Variants in AGBL4 observed in about 807,000 individuals in gnomAD.
The protein encoded by AGBL4 is AGBL carboxypeptidase 4.
In AGBL4, 58 loss-of-function variants were observed where a neutral mutation model predicts 66.4. The observed-to-expected ratio is 0.87, with a 90% confidence interval of 0.71 to 1.09. The LOEUF (loss-of-function observed/expected upper bound fraction) is 1.09, where lower values mean the gene tolerates loss of function less well. Among genes scored for constraint, AGBL4 ranks in the 50% least tolerant of loss-of-function variants. The probability of loss-of-function intolerance (pLI) is 0.00; values close to 1 mark genes in which losing one functional copy is unlikely to be tolerated. For missense variants in AGBL4, 579 were observed against 631.0 expected (o/e 0.92, Z 0.88); for synonymous variants, 234 against 222.9 (o/e 1.05, Z -0.44).
intron 1 of AGBL4, among the ~76,000 whole-genome samples, chr1:50,020,664 A>G (rs1045600251): frequency 6.6e-6 from 1 of 152,204 alleles, no homozygotes; most frequent in African/African-American, 2.4e-5. Context: ...TAAATTGTCA[A>G]AAAAACTAAT....
chr1:49,159,613 G>T (rs1332634789), intron 4 of AGBL4, among the ~76,000 whole-genome samples: 1 of 152,140 alleles, frequency 6.6e-6, no homozygotes, highest in Admixed American at 6.5e-5. Context: ...GGCCTGTCTT[G>T]CTAGGTTGGG....
intron 1 of AGBL4, among the ~76,000 whole-genome samples, chr1:49,856,569 C>G (rs1358079249): frequency 3.9e-5 from 6 of 151,916 alleles, no homozygotes; most frequent in Non-Finnish European, 5.9e-5. Context: ...AAGGACGGTT[C>G]AACATACAAA....
At chr1:49,483,303 A>G in intron 3 of AGBL4, among the ~76,000 whole-genome samples, 1 of 152,092 alleles carries the variant, frequency 6.6e-6, no homozygotes. Flanking sequence ...AAAAACTATA[A>G]AACATTTATG....
chr1:49,921,396 A>G (rs1182985431), intron 1 of AGBL4, among the ~76,000 whole-genome samples: 2 of 152,218 alleles, frequency 1.3e-5, no homozygotes, highest in African/African-American at 4.8e-5. Context: ...ATAATTTTAA[A>G]TTTTAACCAT....
chr1:49,432,780 T>A (rs1470861237), intron 3 of AGBL4, among the ~76,000 whole-genome samples: 2 of 152,176 alleles, frequency 1.3e-5, no homozygotes, highest in Non-Finnish European at 2.9e-5. Context: ...ATCCTTGTAA[T>A]CTCAAAAGTT....
chr1:48,713,968 T>C (rs1647007123), intron 6 of AGBL4, among the ~76,000 whole-genome samples: 1 of 152,204 alleles, frequency 6.6e-6, no homozygotes, highest in Non-Finnish European at 1.5e-5. Flanking sequence ...CAAATGCCCC[T>C]ACCCAAGGCT....
intron 6 of AGBL4, among the ~76,000 whole-genome samples, chr1:48,667,983 AT>A (rs1246358069): frequency 1.3e-5 from 2 of 150,102 alleles, no homozygotes; most frequent in Non-Finnish European, 3.0e-5. Flanking sequence ...GGAATGTGGA[AT>A]GTTATAATGG....
intron 3 of AGBL4, among the ~76,000 whole-genome samples, chr1:49,323,369 C>T (rs1394750297): frequency 6.6e-6 from 1 of 152,138 alleles, no homozygotes; most frequent in Non-Finnish European, 1.5e-5. Flanking sequence ...GCAACCCCCG[C>T]CTCCTGGATT....
intron 4 of AGBL4, among the ~76,000 whole-genome samples, chr1:49,148,360 T>C (rs1215719251): frequency 6.6e-6 from 1 of 152,102 alleles, no homozygotes; most frequent in East Asian, 1.9e-4. Context: ...ACAGTGGGAA[T>C]TGCATGTTTC....
intron 3 of AGBL4, among the ~76,000 whole-genome samples, chr1:49,427,491 C>T (rs1570690377): frequency 6.6e-6 from 1 of 152,114 alleles, no homozygotes; most frequent in Non-Finnish European, 1.5e-5. Context: ...TTCTTGGTCT[C>T]GCTGACTTCA....
At chr1:49,260,971 G>A (rs894289407) in intron 3 of AGBL4, among the ~76,000 whole-genome samples, 7 of 149,506 alleles carry the variant, frequency 4.7e-5, no homozygotes, top group African/African-American at 1.7e-4. Context: ...TGATCAAGTG[G>A]GCTTCATCCC....
chr1:49,118,951 T>C (rs1412635514), intron 4 of AGBL4, among the ~76,000 whole-genome samples: 2 of 152,224 alleles, frequency 1.3e-5, no homozygotes, highest in African/African-American at 2.4e-5. Context: ...TAGGAATTTA[T>C]CCATTTCTTC....
At chr1:48,594,859 G>T (rs72679388) in intron 9 of AGBL4, among the ~76,000 whole-genome samples, 3 of 151,824 alleles carry the variant, frequency 2.0e-5, no homozygotes, top group Admixed American at 2.0e-4. Flanking sequence ...AAAACTCCTC[G>T]TACACAATCA....
chr1:49,446,537 A>G (rs765231509), intron 3 of AGBL4, among the ~76,000 whole-genome samples: 8 of 152,250 alleles, frequency 5.3e-5, no homozygotes, highest in Non-Finnish European at 8.8e-5. Context: ...AGTGCTGGGA[A>G]CTGGAAAGCC....
At chr1:49,619,315 T>C (rs1356250660) in intron 3 of AGBL4, among the ~76,000 whole-genome samples, 1 of 152,116 alleles carries the variant, frequency 6.6e-6, no homozygotes, top group African/African-American at 2.4e-5. Context: ...AGCATTCCTA[T>C]ACACCAATAA....
chr1:48,554,866 G>A (rs1644298448), intron 11 of AGBL4, among the ~76,000 whole-genome samples: 1 of 152,184 alleles, frequency 6.6e-6, no homozygotes, highest in South Asian at 2.1e-4. Flanking sequence ...TACAAGGCCT[G>A]TGGCTTGAAA....
rs1646227456 is a variant in AGBL4 at position 49,146,814 on chromosome 1, T to C, written c.377+98956A>G. On this transcript the variant is annotated intron_variant, in intron 4 of 13. Transcript: ENST00000371839. ...GGGCTTCAGAAAGTACCTGTTGCCATTCTTCTGCCTCATCCATCATCATTA... is the reference window on the plus strand; with the variant it reads ...GGGCTTCAGAAAGTACCTGTTGCCACTCTTCTGCCTCATCCATCATCATTA... Among the ~76,000 whole-genome samples the C allele has an allele frequency of 2.0e-5, 3 of 152,358 alleles. No individual in the cohort carries two copies. The South Asian group carries it at 6.2e-4, about 32-fold the overall frequency.
At chr1:48,728,299 C>T (rs544116657) in intron 6 of AGBL4, among the ~76,000 whole-genome samples, 1 of 152,126 alleles carries the variant, frequency 6.6e-6, no homozygotes, top group East Asian at 1.9e-4. Flanking sequence ...ACTATTGGTT[C>T]CTCCCAAGCA....
intron 3 of AGBL4, among the ~76,000 whole-genome samples, chr1:49,370,703 G>A (rs2148551937): frequency 6.6e-6 from 1 of 151,940 alleles, no homozygotes; most frequent in South Asian, 2.1e-4. Flanking sequence ...TGTCAAATGG[G>A]GTTAATACAA....
Sources: gnomAD v4.1 joint callset for allele counts (sites outside exome capture counted in the v4.1 genomes callset) on GRCh38, gnomAD v4.1.1 for gene constraint, MANE v1.5 for transcripts, NCBI Gene and HGNC (gene_info 2026-07-23, HGNC 2026-07-21) for gene names.